The following PMS1 variants were observed in gnomAD, a reference collection of about 807,000 sequenced individuals.
PMS1 encodes PMS1 protein homolog 1.
A neutral mutation model predicts 93.1 loss-of-function variants in PMS1; 79 were observed. The ratio of observed to expected loss-of-function variants is 0.85; its 90% CI spans 0.71 to 1.02. PMS1 has a LOEUF of 1.02. PMS1 is among the 50% of genes least tolerant of loss of function. The pLI is 0.00. For missense variants in PMS1, 1,064 were observed against 1,085.3 expected (o/e 0.98, Z 0.28); for synonymous variants, 335 against 363.4 (o/e 0.92, Z 0.89).
chr2:189,785,193 A>C (rs1344616354), intron 1 of PMS1, among the ~76,000 whole-genome samples: 1 of 152,220 alleles, frequency 6.6e-6, no homozygotes, highest in Non-Finnish European at 1.5e-5. Context: ...AATTGACTTA[A>C]GAGAATGTTG....
intron 7 of PMS1, among the ~76,000 whole-genome samples, chr2:189,853,434 G>T (rs1181130130): frequency 6.6e-6 from 1 of 151,818 alleles, no homozygotes; most frequent in African/African-American, 2.4e-5. Context: ...TTGCATGTTT[G>T]TACTTGTTTT....
At chr2:189,868,513 C>A (rs1162200206) in intron 11 of PMS1, among the ~76,000 whole-genome samples, 1 of 152,148 alleles carries the variant, frequency 6.6e-6, no homozygotes, top group Non-Finnish European at 1.5e-5. Flanking sequence ...CTTCTCTGTT[C>A]CTTTATAGTT....
intron 5 of PMS1, among the ~76,000 whole-genome samples, chr2:189,828,155 A>G (rs2052612846): frequency 1.3e-5 from 2 of 152,016 alleles, no homozygotes; most frequent in African/African-American, 4.8e-5. Context: ...CGATCTCCTG[A>G]CCTCGTGATC....
At chr2:189,791,133 TA>T (rs2048827358) in intron 1 of PMS1, among the ~76,000 whole-genome samples, 1 of 152,170 alleles carries the variant, frequency 6.6e-6, no homozygotes, top group Admixed American at 6.5e-5. Flanking sequence ...CATTTTTGGT[TA>T]TTTTTATTCA....
intron 10 of PMS1, among the ~76,000 whole-genome samples, 183 bp from the exon 11 acceptor site, chr2:189,867,616 A>G (rs1370746206): frequency 1.3e-5 from 2 of 152,218 alleles, no homozygotes. Flanking sequence ...TACTGTGTGC[A>G]GTAGGTATTT....
At chr2:189,831,867 C>T (rs1050578503) in intron 5 of PMS1, among the ~76,000 whole-genome samples, 6 of 152,068 alleles carry the variant, frequency 3.9e-5, no homozygotes, top group African/African-American at 1.4e-4. Flanking sequence ...CTGCACCCTC[C>T]GCCTCCCAGG....
At chr2:189,827,614 G>A (rs1254369121) in intron 5 of PMS1, among the ~76,000 whole-genome samples, 4 of 151,434 alleles carry the variant, frequency 2.6e-5, no homozygotes, top group Non-Finnish European at 4.4e-5. Flanking sequence ...AATGGATAAA[G>A]AAAATATCAT....
chr2:189,820,148 GT>G (rs1450780973), intron 5 of PMS1, among the ~76,000 whole-genome samples: 2 of 152,174 alleles, frequency 1.3e-5, no homozygotes, highest in East Asian at 3.8e-4. Flanking sequence ...CAACAACCAA[GT>G]GATGTAGGGA....
chr2:189,825,082 A>G (rs1001154476), intron 5 of PMS1, among the ~76,000 whole-genome samples: 3 of 152,104 alleles, frequency 2.0e-5, no homozygotes, highest in Non-Finnish European at 4.4e-5. Flanking sequence ...GAGAAGTACT[A>G]TTGCTATTTT....
intron 4 of PMS1, among the ~76,000 whole-genome samples, chr2:189,816,367 G>A (rs2051300456): frequency 6.6e-6 from 1 of 151,314 alleles, no homozygotes; most frequent in South Asian, 2.1e-4. Context: ...TTAATAGTTA[G>A]TAAATTGTTT....
At chr2:189,834,987 A>G (rs2053263517) in intron 5 of PMS1, among the ~76,000 whole-genome samples, 1 of 152,240 alleles carries the variant, frequency 6.6e-6, no homozygotes, top group Admixed American at 6.5e-5. Flanking sequence ...CTGGGATTAC[A>G]GGCCTGAACC....
intron 11 of PMS1, among the ~76,000 whole-genome samples, chr2:189,869,680 T>C (rs13408737): frequency 6.6e-6 from 1 of 151,972 alleles, no homozygotes; most frequent in Non-Finnish European, 1.5e-5. Context: ...TAGCCGGGCA[T>C]GTGGCAGGTG....
chr2:189,822,383 T>A (rs1306704700), intron 5 of PMS1, among the ~76,000 whole-genome samples: 2 of 152,202 alleles, frequency 1.3e-5, no homozygotes, highest in African/African-American at 4.8e-5. Flanking sequence ...CTCCAGCCAT[T>A]TCCCCAACAC....
Position 189,854,080 on chromosome 2 carries a change from A to G in PMS1, c.964A>G (p.Lys322Glu), listed in dbSNP as rs772872765. The change falls in exon 8 of 13, where the codon AAG (lysine) becomes GAG (glutamate). Residue 322 changes from lysine to glutamate, a missense_variant and splice_region_variant. Lys to Glu is a moderately conservative substitution (Grantham distance 56, BLOSUM62 1). Coordinates refer to ENST00000441310, the MANE Select transcript of PMS1 (RefSeq NM_000534.5). ...PDKSQVLLQN[K>E]ESVLIALENL... ...TAAAAGCCAAGTATTATTACAAAAT[A>G]AGGTAACTCTTTTCAGATAATTTTT... 3.8e-6 allele frequency: 6 copies of G among 1,580,516 alleles called. No individual in the cohort carries two copies. In the East Asian group the frequency reaches 1.1e-4, roughly 30 times the overall value.
chr2:189,819,670 GTCT>G (rs1204744985), intron 5 of PMS1, among the ~76,000 whole-genome samples: 3 of 152,044 alleles, frequency 2.0e-5, no homozygotes, highest in Non-Finnish European at 4.4e-5. Flanking sequence ...CTGGCCTTTT[GTCT>G]TCTTTTGAGG....
chr2:189,805,397 T>C (rs1303877570), intron 3 of PMS1, among the ~76,000 whole-genome samples: 1 of 152,216 alleles, frequency 6.6e-6, no homozygotes, highest in Non-Finnish European at 1.5e-5. Context: ...ATTTCAGGTA[T>C]ACTTGTTTGT....
intron 5 of PMS1, among the ~76,000 whole-genome samples, chr2:189,835,730 A>G (rs759064769): frequency 2.6e-5 from 4 of 152,060 alleles, no homozygotes; most frequent in Non-Finnish European, 5.9e-5. Flanking sequence ...GTTCAAGACC[A>G]GCCTAAGCAA....
At chr2:189,811,781 A>G (rs1026593308) in intron 4 of PMS1, among the ~76,000 whole-genome samples, 2 of 152,246 alleles carry the variant, frequency 1.3e-5, no homozygotes, top group Admixed American at 1.3e-4. Context: ...AATGTGTTGG[A>G]CAGGAGTGTT....
At chr2:189,875,693 C>T (rs1029788528) in intron 12 of PMS1, among the ~76,000 whole-genome samples, 4 of 152,060 alleles carry the variant, frequency 2.6e-5, no homozygotes, top group African/African-American at 7.2e-5. Flanking sequence ...TGGCTCATGC[C>T]TGTAATCCCA....
Sources: allele counts gnomAD v4.1 joint callset (sites outside exome capture counted in the v4.1 genomes callset), GRCh38; gene constraint gnomAD v4.1.1; transcripts MANE v1.5; gene names NCBI Gene and HGNC (gene_info 2026-07-23, HGNC 2026-07-21).